The following KRT39 variants were observed in gnomAD, a reference collection of about 807,000 sequenced individuals.
KRT39 encodes the protein keratin 39.
Under a neutral mutation model 54.8 loss-of-function variants are expected in KRT39, and 47 were observed. The observed-to-expected ratio is 0.86, with a 90% CI of 0.68 to 1.09. The LOEUF (loss-of-function observed/expected upper bound fraction) is 1.09, where lower values mean the gene tolerates loss of function less well. Among genes scored for constraint, KRT39 ranks in the 50% least tolerant of loss-of-function variants. KRT39 has a pLI of 0.00. For missense variants in KRT39, 580 were observed against 598.5 expected (o/e 0.97, Z 0.32); for synonymous variants, 207 against 227.9 (o/e 0.91, Z 0.83).
intron 6 of KRT39, 35 bp downstream of exon 6, chr17:40,960,246 T>G (rs1911083990): frequency 1.3e-6 from 2 of 1,581,536 alleles, no homozygotes; most frequent in African/African-American, 2.7e-5. Context: ...TCATTTACAC[T>G]TTTTTGTCAT....
intron 1 of KRT39, among the ~76,000 whole-genome samples, chr17:40,966,014 C>A (rs897705700): frequency 2.0e-5 from 3 of 152,024 alleles, no homozygotes; most frequent in Admixed American, 2.0e-4. Flanking sequence ...TCCCAAGTAG[C>A]TGGGACCACA....
At position 40,963,993 on chromosome 17, in the gene KRT39, G is replaced by A. The variant is rs146776333; in HGVS notation, c.552-210C>T. The A allele has an allele frequency of 3.2e-3, 1,442 of 449,820 alleles. 20 individuals are homozygous for A. The highest frequency in any genetic ancestry group is 0.025 in the African/African-American group (1,263 of 50,774). The allele number at this position is 449,820 out of a possible 1,614,324, so 27.9% of individuals were successfully genotyped here. On this transcript the variant is annotated intron_variant, in intron 2 of 6. Transcript: ENST00000355612. ...GTTTGCTAGGGGGATCTACATTGCT[G>A]TTCTTTGAGATATGGGAATTTATTG...
chr17:40,966,539 G>T lies in KRT39; in HGVS notation c.318C>A (p.Arg106=). The T allele has an allele frequency of 5.0e-6, 8 of 1,614,206 alleles. No homozygotes were observed. Among genetic ancestry groups the T allele is most frequent in the Non-Finnish European group, 6.8e-6 (8 of 1,180,042 alleles). ...GCACCTTTTGCAGGTAGTTAGCAAG[G>T]CGCTCGTTCAAGATTTGCATGGTCT... ...EKETMQILNE[R]LANYLQKVRM... is the part of the protein sequence containing the mutation. Residue 106 remains arginine (R), a synonymous_variant, in exon 1 of 7, where the codon CGC becomes CGA. Coordinates refer to ENST00000355612, the MANE Select transcript of KRT39 (RefSeq NM_213656.4).
chr17:40,964,834 G>T (rs190461133), intron 1 of KRT39, among the ~76,000 whole-genome samples: 1 of 151,618 alleles, frequency 6.6e-6, no homozygotes, highest in Non-Finnish European at 1.5e-5. Context: ...AGGCTGAGGC[G>T]GGCGGATCAC....
chr17:40,960,565 G>GGGC, intron 5 of KRT39, 64 bp from the exon 6 acceptor site: 2 of 1,209,524 alleles, frequency 1.7e-6, no homozygotes, highest in Non-Finnish European at 2.4e-6. Context: ...CCTGTGACCT[G>GGGC]TATCATTTAA....
At position 40,964,854 on chromosome 17, in the gene KRT39, A is replaced by G. The variant is rs370733362; in HGVS notation, c.469-326T>C. Among the ~76,000 whole-genome samples, 85 of 151,890 alleles carry G rather than the reference A, an allele frequency of 5.6e-4. No homozygotes were observed. The East Asian group carries it at 0.011, about 20-fold the overall frequency. On this transcript the variant is annotated intron_variant, in intron 1 of 6. Coordinates refer to ENST00000355612, the MANE Select transcript of KRT39 (RefSeq NM_213656.4). ...GAGGCGGGCGGATCACGAGGTCAAG[A>G]GATCAAGACCATCCTGGCCAACATG...
chr17:40,962,595 G>C (rs768496237), intron 3 of KRT39, 32 bp from the exon 4 acceptor site: 7 of 1,593,848 alleles, frequency 4.4e-6, no homozygotes, highest in Non-Finnish European at 6.0e-6. Flanking sequence ...GAAGTCACTT[G>C]GTGAACAGAT....
Position 40,964,005 on chromosome 17 carries a change from A to T in KRT39, c.552-222T>A, listed in dbSNP as rs1314344029. The T allele has an allele frequency of 1.1e-5, 5 of 442,590 alleles. No individual in the cohort carries two copies. In the East Asian group the frequency reaches 1.6e-4, roughly 14 times the overall value. The allele number at this position is 442,590 out of a possible 1,614,324, so 27.4% of individuals were successfully genotyped here. A position where few individuals can be genotyped will look rare whatever the true frequency, so the allele number is the denominator to read the frequency against. On this transcript the variant is annotated intron_variant, in intron 2 of 6. Transcript: ENST00000355612. ...GATCTACATTGCTGTTCTTTGAGAT[A>T]TGGGAATTTATTGTCCTTCCTCTGC... is the stretch of plus-strand genomic sequence containing the variant.
intron 5 of KRT39, 44 bp downstream of exon 5, chr17:40,962,118 G>A (rs756371918): frequency 5.6e-6 from 9 of 1,607,604 alleles, no homozygotes; most frequent in South Asian, 2.2e-5. Context: ...GTAAGGGACT[G>A]TTTCCATCTT....
Position 40,962,565 on chromosome 17 carries a change from T to C in KRT39, c.709-2A>G. 6.2e-7 allele frequency: 1 copy of C among 1,609,206 alleles called. No homozygotes were observed. Among genetic ancestry groups the C allele is most frequent in the Non-Finnish European group, 8.5e-7 (1 of 1,178,560 alleles). On this transcript the variant is annotated splice_acceptor_variant, in intron 3 of 6. Transcript: ENST00000355612. LOFTEE classifies it high-confidence loss of function. ...CTGACACTGTAAAGAATTGATTTCC[T>C]AAGGAAAGAAAAAGACTGTGAAGTC...
Position 40,960,346 on chromosome 17 carries a change from G to A in KRT39, c.1152C>T (p.Asp384=), listed in dbSNP as rs140635687. Residue 384 remains aspartate (D), a synonymous_variant, in exon 6 of 7, where the codon GAC becomes GAT. Transcript: ENST00000355612. ...TCTCACATTCCAGCCGGGACTTGAC[G>A]TCCAGCAGGATCTCGTATTCTTGGT... is the stretch of plus-strand genomic sequence containing the variant. ...RQNQEYEILL[D]VKSRLECEIT... is the part of the protein sequence containing the mutation. 8.5e-4 allele frequency: 1,369 copies of A among 1,614,036 alleles called. 12 individuals are homozygous for A. The African/African-American group carries it at 0.016, about 19-fold the overall frequency.
rs200663246 is a variant in KRT39, at chr17:40,960,345, C to T, written c.1153G>A (p.Val385Ile). Residue 385 changes from valine to isoleucine, a missense_variant, in exon 6 of 7, where the codon GTC (valine) becomes ATC (isoleucine). By Grantham distance (29) the Val-to-Ile change is conservative. Transcript: ENST00000355612. ...ATCTCACATTCCAGCCGGGACTTGA[C>T]GTCCAGCAGGATCTCGTATTCTTGG... ...QNQEYEILLD[V>I]KSRLECEITT... 259 of 1,614,050 alleles carry T rather than the reference C, an allele frequency of 1.6e-4. No homozygotes were observed. The highest frequency in any genetic ancestry group is 2.0e-4 in the Non-Finnish European group (238 of 1,180,030).
chr17:40,964,362 A>G, intron 2 of KRT39, 84 bp downstream of exon 2: 5 of 1,099,838 alleles, frequency 4.5e-6, no homozygotes, highest in South Asian at 1.3e-5. Flanking sequence ...GAGGGTTAGT[A>G]GACATGGGGA....
Position 40,962,540 on chromosome 17 carries a change from C to T in KRT39, c.732G>A (p.Gln244=). ...CTTCAATGTCAAGTCTCTCCCCAAG[C>T]TGACACTGTAAAGAATTGATTTCCT... The part of the protein sequence containing the change: ...HKEEINSLQC[Q]LGERLDIEVT... The change falls in exon 4 of 7, where the codon CAG becomes CAA. Residue 244 remains glutamine, a synonymous_variant. Coordinates refer to ENST00000355612, the MANE Select transcript of KRT39 (RefSeq NM_213656.4). The T allele has an allele frequency of 6.2e-7, 1 of 1,613,734 alleles. No individual in the cohort carries two copies.
chr17:40,965,971 C>T (rs899270115), intron 1 of KRT39, among the ~76,000 whole-genome samples: 4 of 152,180 alleles, frequency 2.6e-5, no homozygotes, highest in African/African-American at 9.7e-5. Flanking sequence ...CAGCCTCAAC[C>T]TCTTGGGCTC....
chr17:40,963,206 C>T (rs150536551), intron 3 of KRT39, among the ~76,000 whole-genome samples: 24 of 152,270 alleles, frequency 1.6e-4, no homozygotes, highest in African/African-American at 4.8e-4. Flanking sequence ...AATCTCATCT[C>T]GAATTGTAAT....
chr17:40,960,432 T>A lies in KRT39; in HGVS notation c.1066A>T (p.Ser356Cys). 1 of 1,614,046 alleles carries A rather than the reference T, an allele frequency of 6.2e-7. No homozygotes were observed. Among genetic ancestry groups the A allele is most frequent in the South Asian group, 1.1e-5 (1 of 91,064 alleles). ...TGAGCTTCCAGGTTATCAATCAGAC[T>A]CTGGATCTGGGTCAGCAAGGCCGTG... ...RYTALLTQIQ[S>C]LIDNLEAQLA... Residue 356 changes from serine to cysteine, a missense_variant, in exon 6 of 7, where the codon AGT (serine) becomes TGT (cysteine). Ser to Cys is a moderately radical substitution (Grantham distance 112). Transcript: ENST00000355612.
rs773957853 is a variant in KRT39 at position 40,962,257 on chromosome 17, T to C, written c.901A>G (p.Ser301Gly). ...TGGCAGCATTGCTGCTGTTGAGAGC[T>C]GGTCACCACTTGTTGATTCAGCTCC... ...IEELNQQVVT[S>G]SQQQQCCQKE... Residue 301 changes from serine to glycine, a missense_variant, in exon 5 of 7, where the codon AGC becomes GGC. Coordinates refer to ENST00000355612, the MANE Select transcript of KRT39 (RefSeq NM_213656.4). 1.4e-5 allele frequency: 22 copies of C among 1,614,114 alleles called. No individual in the cohort carries two copies. Among genetic ancestry groups the C allele is most frequent in the Non-Finnish European group, 1.9e-5 (22 of 1,180,044 alleles).
chr17:40,959,973 T>C (rs1014630946), intron 6 of KRT39, among the ~76,000 whole-genome samples: 16 of 152,174 alleles, frequency 1.1e-4, no homozygotes, highest in Admixed American at 6.5e-5. Context: ...TATTCATCTA[T>C]GGGGAAATAA....
Sources: gnomAD v4.1 joint callset for allele counts (sites outside exome capture counted in the v4.1 genomes callset) on GRCh38, gnomAD v4.1.1 for gene constraint, MANE v1.5 for transcripts, NCBI Gene and HGNC (gene_info 2026-07-23, HGNC 2026-07-21) for gene names.